The following BRSK1 variants were observed in gnomAD, a reference collection of about 807,000 sequenced individuals.
The protein encoded by BRSK1 is BR serine/threonine kinase 1.
In BRSK1, 17 loss-of-function variants were observed where a neutral mutation model predicts 86.2. That is an observed-to-expected ratio of 0.20 (90% CI 0.14 to 0.30). The LOEUF (loss-of-function observed/expected upper bound fraction) is 0.30, where lower values mean the gene tolerates loss of function less well. Ranked by LOEUF, BRSK1 falls within the 10% of genes least tolerant of loss-of-function variation. The pLI is 1.00. For synonymous variants in BRSK1, 464 were observed against 440.1 expected (o/e 1.05, Z -0.68); for missense variants, 719 against 1,071.9 (o/e 0.67, Z 4.60).
At chr19:55,295,738 G>A (rs1009060798) in intron 7 of BRSK1, among the ~76,000 whole-genome samples, 3 of 152,100 alleles carry the variant, frequency 2.0e-5, no homozygotes, top group East Asian at 1.9e-4. Flanking sequence ...GAGGCCGAGC[G>A]GAGGCAGATC....
At chr19:55,296,434 A>C (rs548944147) in intron 7 of BRSK1, among the ~76,000 whole-genome samples, 7 of 152,154 alleles carry the variant, frequency 4.6e-5, no homozygotes, top group Admixed American at 4.6e-4. Context: ...GCAATGACTC[A>C]CGCCAGTAAT....
chr19:55,303,692 T>C lies in BRSK1; in HGVS notation c.1152T>C (p.Ser384=). The change falls in exon 12 of 19, where the codon TCT becomes TCC. Residue 384 remains serine (S), a synonymous_variant. Coordinates refer to ENST00000309383, the MANE Select transcript of BRSK1 (RefSeq NM_032430.2). The surrounding 1 kb of genome is among the most constrained non-coding windows in gnomAD (Gnocchi z 5.1). ...ACCCCCCCCGGAAGCGTGTGGATTC[T>C]CCCATGCTGAGCCGTCACGGGAAGC... ...DVDPPRKRVD[S]PMLSRHGKRR... 6.2e-7 allele frequency: 1 copy of C among 1,611,340 alleles called. No individual in the cohort carries two copies. The highest frequency in any genetic ancestry group is 1.1e-5 in the South Asian group (1 of 90,652).
rs2088765236 is a variant in BRSK1 at position 55,310,620 on chromosome 19, C to G, written c.2180-1291C>G. 6.6e-6 allele frequency among the ~76,000 whole-genome samples: 1 copy of G among 152,156 alleles called. No individual in the cohort carries two copies. Among genetic ancestry groups the G allele is most frequent in the African/African-American group, 2.4e-5 (1 of 41,418 alleles). On this transcript the variant is annotated intron_variant, in intron 18 of 18. Coordinates refer to ENST00000309383, the MANE Select transcript of BRSK1 (RefSeq NM_032430.2). This position sits in a 1 kb window ranked among gnomAD's most constrained non-coding sequence, Gnocchi z 5.0. ...TCAACTGGGGAAAACAGGGGGATGC[C>G]AATGGCCTCTTGTAGGTGGAGGCCA...
intron 7 of BRSK1, among the ~76,000 whole-genome samples, chr19:55,300,960 G>A (rs929236353): frequency 2.6e-5 from 4 of 152,214 alleles, no homozygotes; most frequent in Admixed American, 6.5e-5. Flanking sequence ...CGTTCCTTCA[G>A]TTGCAGCTGT....
At chr19:55,291,805 C>T (rs1342167731) in intron 4 of BRSK1, among the ~76,000 whole-genome samples, 1 of 152,214 alleles carries the variant, frequency 6.6e-6, no homozygotes, top group Non-Finnish European at 1.5e-5. Context: ...GTCACCCATC[C>T]TGGAGTGCAA....
rs373913896 is a variant in BRSK1, at chr19:55,305,451, C to T, written c.1767-12C>T. 1.2e-6 allele frequency: 2 copies of T among 1,614,140 alleles called. No individual in the cohort carries two copies. Among genetic ancestry groups the T allele is most frequent in the Non-Finnish European group, 1.7e-6 (2 of 1,179,978 alleles). ...CTTCCTAACCCTCCTCCAACCACCC[C>T]CTCCCACTCAGGCTGGCAAAACGCT... On this transcript the variant is annotated splice_polypyrimidine_tract_variant and intron_variant, in intron 15 of 18. Transcript: ENST00000309383.
chr19:55,287,761 A>G lies in BRSK1; in HGVS notation c.317+462A>G, dbSNP rs1600170004. 6.6e-6 allele frequency among the ~76,000 whole-genome samples: 1 copy of G among 152,120 alleles called. No homozygotes were observed. The highest frequency in any genetic ancestry group is 6.5e-5 in the Admixed American group (1 of 15,276). Reference sequence around the variant, plus strand: ...GGTGCCGTGGCTGGACACCCCAACAATGGGCCGCCTTAGGAGGTCTGAGTC... The same window carrying G: ...GGTGCCGTGGCTGGACACCCCAACAGTGGGCCGCCTTAGGAGGTCTGAGTC... On this transcript the variant is annotated intron_variant, in intron 3 of 18. Transcript: ENST00000309383. The surrounding 1 kb of genome is among the most constrained non-coding windows in gnomAD (Gnocchi z 5.3).
intron 4 of BRSK1, among the ~76,000 whole-genome samples, chr19:55,292,930 C>T (rs2088430208): frequency 6.6e-6 from 1 of 151,998 alleles, no homozygotes; most frequent in African/African-American, 2.4e-5. Context: ...ATCACTTGAG[C>T]TGGGGAGGTC....
At chr19:55,309,998 G>A (rs993120574) in intron 18 of BRSK1, among the ~76,000 whole-genome samples, 1 of 152,190 alleles carries the variant, frequency 6.6e-6, no homozygotes, top group Admixed American at 6.5e-5. Flanking sequence ...ACGGCCCAGC[G>A]TTGAGGCCAG....
Position 55,295,835 on chromosome 19 carries a change from G to GGT in BRSK1, c.678+1439_678+1440insTG, listed in dbSNP as rs879348485. On this transcript the variant is annotated intron_variant, in intron 7 of 18. Transcript: ENST00000309383. ...AATACAAAAACTAGCCGGGCTTGGT[G>GGT]GCGCATGCCTGTAGTCCCAGCTACT... Among the ~76,000 whole-genome samples the GGT allele has an allele frequency of 5.2e-3, 787 of 152,294 alleles. 4 individuals are homozygous for GGT. The highest frequency in any genetic ancestry group is 8.1e-3 in the Non-Finnish European group (548 of 68,022).
At chr19:55,296,194 T>G (rs1209684342) in intron 7 of BRSK1, among the ~76,000 whole-genome samples, 1 of 152,042 alleles carries the variant, frequency 6.6e-6, no homozygotes, top group African/African-American at 2.4e-5. Flanking sequence ...GGCTCCCTTC[T>G]TCCTGGCAAC....
In BRSK1 at chr19:55,284,411, G is replaced by A; in HGVS notation, c.-32G>A. 1 of 1,130,972 alleles carries A rather than the reference G, an allele frequency of 8.8e-7. No homozygotes were observed. The allele number at this position is 1,130,972 out of a possible 1,614,324, so 70.1% of individuals were successfully genotyped here. A position where few individuals can be genotyped will look rare whatever the true frequency, so the allele number is the denominator to read the frequency against. Reference sequence around the variant, plus strand: ...GGCGACGGCCGCAGGGGGGGCGGCCGGGGGACCGGTCGGGCCGGGACCAAG... The same window carrying A: ...GGCGACGGCCGCAGGGGGGGCGGCCAGGGGACCGGTCGGGCCGGGACCAAG... On this transcript the variant is annotated 5_prime_UTR_variant, in exon 1 of 19. Coordinates refer to ENST00000309383, the MANE Select transcript of BRSK1 (RefSeq NM_032430.2).
In BRSK1 at chr19:55,305,598, G is replaced by C; in HGVS notation, c.1890+12G>C. On this transcript the variant is annotated intron_variant, in intron 16 of 18. Transcript: ENST00000309383. ...ATGCCTTTCTGTCGGTGAGGGGCCT[G>C]GGTCCCCATCGAGCCTGGCCCCCGC... The C allele has an allele frequency of 1.2e-6, 2 of 1,613,852 alleles. No homozygotes were observed. The highest frequency in any genetic ancestry group is 1.7e-6 in the Non-Finnish European group (2 of 1,180,012).
rs929335675 is a variant in BRSK1, at chr19:55,310,971, G to GT, written c.2180-933dup. Among the ~76,000 whole-genome samples the GT allele has an allele frequency of 2.0e-5, 3 of 151,870 alleles. No homozygotes were observed. Among genetic ancestry groups the GT allele is most frequent in the Non-Finnish European group, 1.5e-5 (1 of 67,958 alleles). On this transcript the variant is annotated intron_variant, in intron 18 of 18. Coordinates refer to ENST00000309383, the MANE Select transcript of BRSK1 (RefSeq NM_032430.2). This position sits in a 1 kb window ranked among gnomAD's most constrained non-coding sequence, Gnocchi z 5.0. Reference sequence around the variant, plus strand: ...GACAAGCCCCCCAGTTTTTGTTTTTGTTTTTTTGAGACAGAATCTCCCTCT... The same window carrying GT: ...GACAAGCCCCCCAGTTTTTGTTTTTGTTTTTTTTGAGACAGAATCTCCCTCT...
chr19:55,306,425 C>T lies in BRSK1; in HGVS notation c.2064C>T (p.Tyr688=), dbSNP rs748839292. 3 of 1,613,502 alleles carry T rather than the reference C, an allele frequency of 1.9e-6. No individual in the cohort carries two copies. Among genetic ancestry groups the T allele is most frequent in the Admixed American group, 1.7e-5 (1 of 60,018 alleles). The part of the protein sequence containing the change: ...RRDGSGGGGI[Y]SVTFTLISGP... ...ACGGCAGCGGAGGTGGTGGCATCTA[C>T]TCCGTCACCTTCACTCTCATCTCGG... Residue 688 remains tyrosine, a synonymous_variant, in exon 17 of 19, where the codon TAC becomes TAT. Transcript: ENST00000309383. The surrounding 1 kb of genome is among the most constrained non-coding windows in gnomAD (Gnocchi z 4.7).
chr19:55,302,304 TG>T lies in BRSK1; in HGVS notation c.857+141del. Reference sequence around the variant, plus strand: ...GCTAGGGACTCGGACTTATGGGTCCTGGGGGAAGAGGACACAGCTAGAGAAG... The same window carrying T: ...GCTAGGGACTCGGACTTATGGGTCCTGGGGAAGAGGACACAGCTAGAGAAG... On this transcript the variant is annotated intron_variant, in intron 9 of 18. Coordinates refer to ENST00000309383, the MANE Select transcript of BRSK1 (RefSeq NM_032430.2). This position sits in a 1 kb window ranked among gnomAD's most constrained non-coding sequence, Gnocchi z 6.3. 1 of 1,018,200 alleles carries T rather than the reference TG, an allele frequency of 9.8e-7. No homozygotes were observed. The highest frequency in any genetic ancestry group is 2.4e-5 in the East Asian group (1 of 42,066). 63.1% of individuals were successfully genotyped at this position (1,018,200 alleles called of 1,614,324 possible). A position where few individuals can be genotyped will look rare whatever the true frequency, so the allele number is the denominator to read the frequency against.
At chr19:55,311,887 GA>G in intron 18 of BRSK1, 23 bp from the exon 19 acceptor site, 2 of 1,609,462 alleles carry the variant, frequency 1.2e-6, no homozygotes, top group Non-Finnish European at 8.5e-7. Context: ...CGGAACCCAC[GA>G]AAAACCTCTT....
chr19:55,297,514 C>T (rs1319795581), intron 7 of BRSK1, among the ~76,000 whole-genome samples: 2 of 152,206 alleles, frequency 1.3e-5, no homozygotes, highest in African/African-American at 2.4e-5. Flanking sequence ...CTCTTAACCA[C>T]CAGGCTACAT....
chr19:55,302,377 C>A lies in BRSK1; in HGVS notation c.857+209C>A, dbSNP rs931578266. ...GAGGGGCTAAGCTAGGAGTCCAGGA[C>A]TCCCAGGTTTGAGGGAAAAAGGGAC... On this transcript the variant is annotated intron_variant, in intron 9 of 18. Transcript: ENST00000309383. This position sits in a 1 kb window ranked among gnomAD's most constrained non-coding sequence, Gnocchi z 6.3. 7.8e-6 allele frequency: 5 copies of A among 640,758 alleles called. No individual in the cohort carries two copies. The highest frequency in any genetic ancestry group is 3.7e-5 in the African/African-American group (2 of 54,646). The allele number at this position is 640,758 out of a possible 1,614,324, so 39.7% of individuals were successfully genotyped here.
Sources: gnomAD v4.1 joint callset for allele counts (sites outside exome capture counted in the v4.1 genomes callset) on GRCh38, gnomAD v4.1.1 for gene constraint, Gnocchi (gnomAD v3.1) non-coding constraint, MANE v1.5 for transcripts, NCBI Gene and HGNC (gene_info 2026-07-23, HGNC 2026-07-21) for gene names.